ADGRL2: variants seen among roughly 807,000 people sequenced by gnomAD.
The protein encoded by ADGRL2 is adhesion G protein-coupled receptor L2, also known as calcium-independent alpha-latrotoxin receptor 2.
In ADGRL2, 44 loss-of-function variants were observed where a neutral mutation model predicts 157.4. The observed-to-expected ratio is 0.28, with a 90% CI of 0.22 to 0.36. ADGRL2 has a LOEUF of 0.36. Ranked by LOEUF, ADGRL2 falls within the 10% of genes least tolerant of loss-of-function variation. ADGRL2 has a pLI of 1.00. For missense variants in ADGRL2, 1,510 were observed against 1,768.9 expected (o/e 0.85, Z 2.63); for synonymous variants, 585 against 624.7 (o/e 0.94, Z 0.95).
chr1:81,547,067 C>A (rs141618532), intron 2 of ADGRL2, among the ~76,000 whole-genome samples: 18 of 152,276 alleles, frequency 1.2e-4, no homozygotes, highest in African/African-American at 4.3e-4. Flanking sequence ...CTTTATCTAC[C>A]GTGAATGGCT....
chr1:81,411,616 G>C (rs1359171234), intron 1 of ADGRL2, among the ~76,000 whole-genome samples: 1 of 152,202 alleles, frequency 6.6e-6, no homozygotes, highest in Non-Finnish European at 1.5e-5. Flanking sequence ...GAAAGGGCCA[G>C]GAGCGGTGGC....
At chr1:81,509,811 C>G (rs1353128792) in intron 2 of ADGRL2, among the ~76,000 whole-genome samples, 1 of 152,128 alleles carries the variant, frequency 6.6e-6, no homozygotes, top group African/African-American at 2.4e-5. Flanking sequence ...TTCTTGTGTG[C>G]AAACAGGAGG....
chr1:81,938,224 A>C (rs201800970), intron 4 of ADGRL2, among the ~76,000 whole-genome samples: 1 of 151,650 alleles, frequency 6.6e-6, no homozygotes, highest in Non-Finnish European at 1.5e-5. Context: ...ACCTAACCAA[A>C]ATTTTGTTCC....
chr1:81,674,877 T>A (rs990358694), intron 3 of ADGRL2, among the ~76,000 whole-genome samples: 4 of 152,144 alleles, frequency 2.6e-5, no homozygotes, highest in African/African-American at 9.7e-5. Flanking sequence ...CATCTTCCAC[T>A]GTATATAGAA....
At chr1:81,938,588 T>G (rs1370456967) in intron 4 of ADGRL2, among the ~76,000 whole-genome samples, 3 of 151,706 alleles carry the variant, frequency 2.0e-5, no homozygotes, top group Non-Finnish European at 3.0e-5. Flanking sequence ...GTCTTTTAAT[T>G]TAAAAAAATC....
intron 1 of ADGRL2, among the ~76,000 whole-genome samples, chr1:81,374,584 A>AAAAAAACAAAAAAAAG (rs1288608474): frequency 6.6e-6 from 1 of 151,610 alleles, no homozygotes; most frequent in Non-Finnish European, 1.5e-5. Flanking sequence ...AAAAGAAAAA[A>AAAAAAACAAAAAAAAG]AAAACAAGTT....
intron 1 of ADGRL2, among the ~76,000 whole-genome samples, chr1:81,709,834 A>G (rs1476562328): frequency 5.3e-5 from 8 of 152,196 alleles, no homozygotes; most frequent in Non-Finnish European, 1.2e-4. Context: ...CATGTTAAAA[A>G]CTATCCTATT....
chr1:81,917,523 T>C (rs1245798625), intron 3 of ADGRL2, among the ~76,000 whole-genome samples: 1 of 152,060 alleles, frequency 6.6e-6, no homozygotes, highest in Non-Finnish European at 1.5e-5. Context: ...ATGAAAAAAA[T>C]AGAAGTAAAT....
intron 1 of ADGRL2, among the ~76,000 whole-genome samples, chr1:81,403,283 G>C (rs1454969254): frequency 6.7e-6 from 1 of 148,856 alleles, no homozygotes; most frequent in Non-Finnish European, 1.5e-5. Context: ...TTTTGTTTTT[G>C]AGACAGAGTC....
chr1:81,879,478 G>A (rs570299129), intron 2 of ADGRL2, among the ~76,000 whole-genome samples: 1 of 148,392 alleles, frequency 6.7e-6, no homozygotes, highest in Admixed American at 6.7e-5. Context: ...AAGTGTTATA[G>A]CTATTTGGTT....
At chr1:81,805,617 GT>G (rs532295940) in intron 1 of ADGRL2, among the ~76,000 whole-genome samples, 9 of 147,064 alleles carry the variant, frequency 6.1e-5, no homozygotes, top group South Asian at 2.2e-4. Flanking sequence ...TACAATTAGG[GT>G]TTTTTTTTCT....
intron 2 of ADGRL2, among the ~76,000 whole-genome samples, chr1:81,765,668 G>A (rs1181385799): frequency 6.6e-6 from 1 of 151,814 alleles, no homozygotes; most frequent in East Asian, 1.9e-4. Flanking sequence ...TTCCAATTCT[G>A]GTTGTACTTA....
At chr1:81,916,914 G>A (rs1167759812) in intron 3 of ADGRL2, among the ~76,000 whole-genome samples, 1 of 151,690 alleles carries the variant, frequency 6.6e-6, no homozygotes, top group African/African-American at 2.4e-5. Flanking sequence ...TTAGGAACAC[G>A]ATAGCATGAT....
At chr1:81,521,730 TTTAG>T (rs2079319678) in intron 2 of ADGRL2, among the ~76,000 whole-genome samples, 1 of 152,138 alleles carries the variant, frequency 6.6e-6, no homozygotes, top group Non-Finnish European at 1.5e-5. Context: ...CTTTCCACAC[TTTAG>T]TTAGGTGATT....
At chr1:81,358,472 A>G (rs1304750898) in intron 1 of ADGRL2, among the ~76,000 whole-genome samples, 2 of 152,146 alleles carry the variant, frequency 1.3e-5, no homozygotes, top group African/African-American at 2.4e-5. Context: ...ATTCAGTCTG[A>G]GCCCCTGAAT....
intron 2 of ADGRL2, among the ~76,000 whole-genome samples, chr1:81,791,649 G>A (rs1411763430): frequency 1.3e-5 from 2 of 151,832 alleles, no homozygotes; most frequent in East Asian, 3.9e-4. Flanking sequence ...AAGGAGATGA[G>A]CAGGTTAAAA....
chr1:81,495,786 G>A (rs2078718474), intron 2 of ADGRL2, among the ~76,000 whole-genome samples: 1 of 152,158 alleles, frequency 6.6e-6, no homozygotes, highest in Admixed American at 6.5e-5. Flanking sequence ...TGCGGTGCAA[G>A]AAAATGACAG....
chr1:81,767,278 T>G (rs958848576), intron 2 of ADGRL2, among the ~76,000 whole-genome samples: 38 of 152,172 alleles, frequency 2.5e-4, no homozygotes, highest in African/African-American at 8.4e-4. Flanking sequence ...TGTTTTTTTG[T>G]TTTTATTATT....
At chr1:81,557,525 G>GAAAGAAAGAAAGAAAGAA (rs1365888044) in intron 2 of ADGRL2, 1 of 148,700 alleles carries the variant, frequency 6.7e-6, no homozygotes, top group Non-Finnish European at 1.5e-5. Flanking sequence ...AAGAAAGAAA[G>GAAAGAAAGAAAGAAAGAA]AGAAGAAAGA....
Sources: allele counts gnomAD v4.1 joint callset (sites outside exome capture counted in the v4.1 genomes callset), GRCh38; gene constraint gnomAD v4.1.1; transcripts MANE v1.5; gene names NCBI Gene and HGNC (gene_info 2026-07-23, HGNC 2026-07-21).